GYG2: variants seen among roughly 807,000 people sequenced by gnomAD.
GYG2 encodes the protein glycogenin 2.
Under a neutral mutation model 29.4 loss-of-function variants are expected in GYG2, and 29 were observed. That is an observed-to-expected ratio of 0.99 (90% CI 0.74 to 1.35). GYG2 has a LOEUF of 1.35. Ranked by LOEUF, GYG2 falls within the 40% of genes most tolerant of loss-of-function variation. The probability of loss-of-function intolerance (pLI) is 0.00; values close to 1 mark genes in which losing one functional copy is unlikely to be tolerated. For synonymous variants in GYG2, 167 were observed against 172.3 expected, an observed-to-expected ratio of 0.97 and a Z score of 0.24; for missense variants, 370 against 385.7, an observed-to-expected ratio of 0.96 and a Z score of 0.34.
chrX:2,849,402 A>C (rs1343730719), intron 3 of GYG2, among the ~76,000 whole-genome samples: 3 of 111,936 alleles, frequency 2.7e-5, no homozygotes, highest in Non-Finnish European at 5.6e-5. Flanking sequence ...AAGAGATAGA[A>C]AAGGTCCGAG....
At chrX:2,869,223 A>G (rs2088391311) in intron 8 of GYG2, among the ~76,000 whole-genome samples, 1 of 112,340 alleles carries the variant, frequency 8.9e-6, no homozygotes, top group Admixed American at 9.4e-5. Flanking sequence ...TCAACATAGC[A>G]TGTGCATTGT....
intron 2 of GYG2, among the ~76,000 whole-genome samples, chrX:2,833,355 T>C (rs1274755102): frequency 9.0e-6 from 1 of 111,004 alleles, no homozygotes; most frequent in East Asian, 2.8e-4. Context: ...CATCTTCAAA[T>C]GCAGACACAT....
intron 8 of GYG2, among the ~76,000 whole-genome samples, chrX:2,868,108 A>G (rs1403454567): frequency 9.0e-6 from 1 of 111,177 alleles, no homozygotes. Flanking sequence ...AAAAAGAAAA[A>G]GAAATAGAAA....
chrX:2,863,484 C>A (rs192707318), intron 8 of GYG2, among the ~76,000 whole-genome samples: 1 of 112,048 alleles, frequency 8.9e-6, no homozygotes, highest in Non-Finnish European at 1.9e-5. Flanking sequence ...GAAAGTGATT[C>A]TTTTCTGTAT....
chrX:2,881,639 A>T lies in GYG2; in HGVS notation c.*426A>T, dbSNP rs780228733. 8.6e-6 allele frequency: 1 copy of T among 115,916 alleles called. No individual in the cohort carries two copies. The highest frequency in any genetic ancestry group is 1.8e-5 in the Non-Finnish European group (1 of 55,940). The allele number at this position is 115,916 out of a possible 1,213,427, so 9.6% of individuals were successfully genotyped here. On this transcript the variant is annotated 3_prime_UTR_variant, in exon 11 of 11. Transcript: ENST00000398806. ...TCCCATCACGAAGCTAACAACACTA[A>T]TATACGTATTTAGCACCTCTGAGGC...
intron 9 of GYG2, among the ~76,000 whole-genome samples, chrX:2,876,745 G>A (rs1182541200): frequency 1.8e-5 from 2 of 109,386 alleles, no homozygotes; most frequent in African/African-American, 3.3e-5. Context: ...TCAGGAGATC[G>A]AGACCATCCT....
intron 4 of GYG2, 135 bp from the exon 5 acceptor site, chrX:2,854,858 G>A (rs900588417): frequency 1.6e-6 from 1 of 623,340 alleles, no homozygotes; most frequent in East Asian, 3.6e-5. Flanking sequence ...CTTGAACCCG[G>A]GAGGCGGAGG....
chrX:2,865,372 C>A (rs979679718), intron 8 of GYG2, among the ~76,000 whole-genome samples: 1 of 111,737 alleles, frequency 8.9e-6, no homozygotes, highest in Non-Finnish European at 1.9e-5. Flanking sequence ...TAAAACAGCG[C>A]CCGTCATGTT....
At chrX:2,866,759 T>G (rs1430848265) in intron 8 of GYG2, among the ~76,000 whole-genome samples, 1 of 111,311 alleles carries the variant, frequency 9.0e-6, no homozygotes, top group Non-Finnish European at 1.9e-5. Context: ...ATATTGTAGG[T>G]ATTGAACCAT....
At chrX:2,842,380 A>G (rs1175881242) in intron 2 of GYG2, among the ~76,000 whole-genome samples, 4 of 107,201 alleles carry the variant, frequency 3.7e-5, no homozygotes, top group African/African-American at 1.4e-4. Context: ...TTTTTCCAGT[A>G]CAGATGAGGT....
chrX:2,877,600 T>C, intron 10 of GYG2: 1 of 753,387 alleles, frequency 1.3e-6, no homozygotes, highest in Non-Finnish European at 1.6e-6. Flanking sequence ...ACTGTGGAAA[T>C]TAATGCGTAG....
rs41311459 is a variant in GYG2, at chrX:2,875,629, G to A, written c.1039-181G>A. 0.017 allele frequency among the ~76,000 whole-genome samples: 1,863 copies of A among 109,242 alleles called. 19 individuals are homozygous for A. The highest frequency in any genetic ancestry group is 0.033 in the Middle Eastern group (7 of 212). The allele number at this position is 109,242 out of a possible 115,157, so 94.9% of individuals were successfully genotyped here. On this transcript the variant is annotated intron_variant, in intron 8 of 10. Transcript: ENST00000398806. ...ACAAAATGCACTTAGACATTAGCCC[G>A]AGAAGAAGAAGAAACAAACACAGGT...
At chrX:2,858,277 AT>A (rs56077633) in intron 6 of GYG2, among the ~76,000 whole-genome samples, 48,178 of 109,674 alleles carry the variant, frequency 0.44, 9,063 homozygotes, top group Middle Eastern at 0.59. Flanking sequence ...CCTGCGCAAC[AT>A]GATGAAACCC....
rs1252097756 is a variant in GYG2 at position 2,859,931 on chromosome X, G to A, written c.703G>A (p.Glu235Lys). ...CAATCCACAGAGTGGCTCGGTGTTG[G>A]AGCAAGGCTCAGCGTCCAGCAGCCA... ...KYNPQSGSVLEQGSASSSQHQ... is the reference protein window; with the variant it reads ...KYNPQSGSVLKQGSASSSQHQ... The change falls in exon 7 of 11, where the codon GAG (glutamate) becomes AAG (lysine). Residue 235 changes from glutamate (E) to lysine (K), a missense_variant. Coordinates refer to ENST00000398806, the MANE Select transcript of GYG2 (RefSeq NM_001079855.2). The A allele has an allele frequency of 8.3e-7, 1 of 1,202,108 alleles. No individual in the cohort carries two copies. The highest frequency in any genetic ancestry group is 3.0e-5 in the East Asian group (1 of 33,766).
At chrX:2,832,093 TC>T (rs1423133101) in intron 2 of GYG2, among the ~76,000 whole-genome samples, 1 of 113,051 alleles carries the variant, frequency 8.8e-6, no homozygotes, top group African/African-American at 3.2e-5. Context: ...AGTTGTTTCT[TC>T]AAGGCAAGGC....
At position 2,866,837 on chromosome X, in the gene GYG2, T is replaced by A. The variant is rs202080715; in HGVS notation, c.1038+5115T>A. Among the ~76,000 whole-genome samples the A allele has an allele frequency of 5.5e-3, 177 of 31,911 alleles. 1 individual carries two copies. In the Middle Eastern group the frequency reaches 0.15, roughly 27 times the overall value. 27.7% of individuals were successfully genotyped at this position (31,911 alleles called of 115,157 possible). A position where few individuals can be genotyped will look rare whatever the true frequency, so the allele number is the denominator to read the frequency against. ...TTTTAAAAAGTAAATTTTTTTTTTT[T>A]AAAAAAAAGTATGTTCAACAGCCAG... On this transcript the variant is annotated intron_variant, in intron 8 of 10. Coordinates refer to ENST00000398806, the MANE Select transcript of GYG2 (RefSeq NM_001079855.2).
At chrX:2,853,883 G>A (rs771886272) in intron 3 of GYG2, 97 bp from the exon 4 acceptor site, 20 of 581,121 alleles carry the variant, frequency 3.4e-5, no homozygotes, top group East Asian at 3.0e-4. Context: ...TGCATTCCAC[G>A]TTTGTGAGCA....
Position 2,830,127 on chromosome X carries a change from C to T in GYG2, c.-62C>T. On this transcript the variant is annotated 5_prime_UTR_variant, in exon 2 of 11. Transcript: ENST00000398806. ...TCTGCGGGTTCGTGGCGAGGAAGTC[C>T]ACCCACTGCTCCCGGGCGCAGGTCT... is the stretch of plus-strand genomic sequence containing the variant. The T allele has an allele frequency of 8.7e-7, 1 of 1,155,416 alleles. No individual in the cohort carries two copies. Among genetic ancestry groups the T allele is most frequent in the Admixed American group, 2.2e-5 (1 of 45,626 alleles).
chrX:2,839,992 A>G (rs1254065365), intron 2 of GYG2, among the ~76,000 whole-genome samples: 2 of 111,917 alleles, frequency 1.8e-5, no homozygotes, highest in Non-Finnish European at 3.8e-5. Context: ...TTGCGCATGG[A>G]CTAAATGCGA....
Sources: gnomAD v4.1 joint callset for allele counts (sites outside exome capture counted in the v4.1 genomes callset) on GRCh38, gnomAD v4.1.1 for gene constraint, MANE v1.5 for transcripts, NCBI Gene and HGNC (gene_info 2026-07-23, HGNC 2026-07-21) for gene names.